Variants in CDH23 observed in about 807,000 individuals in gnomAD.
CDH23 encodes the protein cadherin-23.
A neutral mutation model predicts 317.1 loss-of-function variants in CDH23; 189 were observed. That is an observed-to-expected ratio of 0.60 (90% confidence interval 0.53 to 0.67). The LOEUF (loss-of-function observed/expected upper bound fraction) is 0.67. CDH23 is among the 30% of genes least tolerant of loss of function. The probability of loss-of-function intolerance (pLI) is 0.00; values close to 1 mark genes in which losing one functional copy is unlikely to be tolerated. For synonymous variants in CDH23, 1,839 were observed against 1,876.8 expected (o/e 0.98, Z 0.52); for missense variants, 4,401 against 4,592.4 (o/e 0.96, Z 1.20).
chr10:71,617,767 G>A (rs552276744), intron 11 of CDH23, among the ~76,000 whole-genome samples: 39 of 152,138 alleles, frequency 2.6e-4, no homozygotes, highest in Middle Eastern at 6.8e-3. Flanking sequence ...TTGGGAGGCC[G>A]GCAGATCAAG....
At chr10:71,723,333 G>A (rs924405355) in intron 28 of CDH23, among the ~76,000 whole-genome samples, 10 of 152,144 alleles carry the variant, frequency 6.6e-5, no homozygotes, top group African/African-American at 2.4e-4. Flanking sequence ...CTATGGTTCT[G>A]CCAGTAGCCT....
intron 11 of CDH23, 95 bp from the exon 12 acceptor site, chr10:71,643,766 C>G (rs1017605824): frequency 1.3e-6 from 1 of 745,286 alleles, no homozygotes; most frequent in Non-Finnish European, 2.5e-6. Context: ...CAGGGTCTCA[C>G]TGTCTTTTCT....
At chr10:71,632,761 C>A (rs1376400352) in intron 11 of CDH23, among the ~76,000 whole-genome samples, 1 of 152,204 alleles carries the variant, frequency 6.6e-6, no homozygotes, top group African/African-American at 2.4e-5. Context: ...CCCTCTCTTT[C>A]CCTCTGTTAA....
intron 14 of CDH23, among the ~76,000 whole-genome samples, chr10:71,661,720 T>TGC (rs1282714221): frequency 1.6e-5 from 1 of 61,922 alleles, no homozygotes; most frequent in Non-Finnish European, 3.2e-5. Flanking sequence ...CCTCCCACCC[T>TGC]GCGCGCCCTC....
chr10:71,557,165 G>A (rs959886534), intron 6 of CDH23, among the ~76,000 whole-genome samples: 4 of 152,136 alleles, frequency 2.6e-5, no homozygotes, highest in Admixed American at 2.0e-4. Context: ...TTATGATTAT[G>A]TAAATGTTAT....
At chr10:71,765,162 G>T (rs1485350311) in intron 38 of CDH23, among the ~76,000 whole-genome samples, 1 of 152,230 alleles carries the variant, frequency 6.6e-6, no homozygotes, top group Non-Finnish European at 1.5e-5. Context: ...AGCAGGCCAT[G>T]TGGCAGGTCC....
intron 28 of CDH23, among the ~76,000 whole-genome samples, chr10:71,721,998 A>T (rs1482481181): frequency 6.6e-6 from 1 of 152,222 alleles, no homozygotes; most frequent in Non-Finnish European, 1.5e-5. Flanking sequence ...CCTCCTTTGG[A>T]AACCTTCAGC....
In CDH23 at chr10:71,615,428, C is replaced by G. The variant is rs1861125836; in HGVS notation, c.833-76C>G. On this transcript the variant is annotated intron_variant, in intron 9 of 69. Transcript: ENST00000224721. ...CCAGAGAGGAGCCCTGGCCCCAGCTCCATGCCCCCCTGCCCCCAGCTCCAT... is the reference window on the plus strand; with the variant it reads ...CCAGAGAGGAGCCCTGGCCCCAGCTGCATGCCCCCCTGCCCCCAGCTCCAT... The G allele has an allele frequency of 4.2e-6, 4 of 956,262 alleles. No homozygotes were observed. The East Asian group carries it at 1.0e-4, about 24-fold the overall frequency. 59.2% of individuals were successfully genotyped at this position (956,262 alleles called of 1,614,324 possible). A position where few individuals can be genotyped will look rare whatever the true frequency, so the allele number is the denominator to read the frequency against.
rs1231275744 is a variant in CDH23, at chr10:71,725,378, A to G, written c.3437A>G (p.His1146Arg). The change falls in exon 30 of 70, where the codon CAT (histidine) becomes CGT (arginine). Residue 1146 changes from histidine to arginine, a missense_variant. Physicochemically the swap from His to Arg is conservative, Grantham distance 29. This residue lies in a region of CDH23 where 3,068 missense variants were observed against 3,203.3 expected (regional missense o/e 0.96). Coordinates refer to ENST00000224721, the MANE Select transcript of CDH23 (RefSeq NM_022124.6). ...GGTCTGTCCCTCCACACAGGTAACC[A>G]TGGCAACAACTTCCGGATCCATGTC... ...RVWYRILHGN[H>R]GNNFRIHVSN... is the part of the protein sequence containing the mutation. 6.2e-7 allele frequency: 1 copy of G among 1,613,972 alleles called. No homozygotes were observed.
At chr10:71,810,202 C>T (rs1251882261) in intron 61 of CDH23, 126 bp downstream of exon 61, 2 of 1,160,212 alleles carry the variant, frequency 1.7e-6, no homozygotes, top group South Asian at 2.9e-5. Context: ...CCTACTTAGT[C>T]ATTTCCTATC....
intron 9 of CDH23, among the ~76,000 whole-genome samples, chr10:71,595,170 G>A (rs1159972803): frequency 2.0e-5 from 3 of 152,146 alleles, no homozygotes; most frequent in South Asian, 2.1e-4. Flanking sequence ...AATTACTATC[G>A]ATCACGAGTT....
At chr10:71,626,231 A>C (rs1451994595) in intron 11 of CDH23, among the ~76,000 whole-genome samples, 1 of 152,190 alleles carries the variant, frequency 6.6e-6, no homozygotes. Flanking sequence ...GGGCTTCACC[A>C]GACTCTCAGA....
intron 9 of CDH23, among the ~76,000 whole-genome samples, chr10:71,612,570 CA>C (rs1860967135): frequency 1.3e-5 from 2 of 151,842 alleles, no homozygotes; most frequent in African/African-American, 4.8e-5. Context: ...TTTAGCTAAA[CA>C]TTTGATAGGC....
intron 14 of CDH23, among the ~76,000 whole-genome samples, chr10:71,669,524 T>C (rs908240883): frequency 6.6e-6 from 1 of 151,746 alleles, no homozygotes; most frequent in African/African-American, 2.4e-5. Context: ...CTCTGCTCAC[T>C]GCAACCTCCA....
intron 11 of CDH23, among the ~76,000 whole-genome samples, chr10:71,642,765 A>G (rs1157811095): frequency 6.6e-6 from 1 of 151,904 alleles, no homozygotes; most frequent in African/African-American, 2.4e-5. Context: ...TGCTCAGTCA[A>G]CCTCTCTGAA....
At chr10:71,491,614 G>A (rs1480554171) in intron 3 of CDH23, among the ~76,000 whole-genome samples, 1 of 152,210 alleles carries the variant, frequency 6.6e-6, no homozygotes, top group African/African-American at 2.4e-5. Context: ...ACAACTAGGA[G>A]TATCACACTT....
In CDH23 at chr10:71,751,011, G is replaced by C; in HGVS notation, c.4845+9090G>C. 2.1e-6 allele frequency: 1 copy of C among 468,452 alleles called. No individual in the cohort carries two copies. Among genetic ancestry groups the C allele is most frequent in the Admixed American group, 3.9e-5 (1 of 25,618 alleles). The allele number at this position is 468,452 out of a possible 1,614,324, so 29.0% of individuals were successfully genotyped here. ...TGGCATCTGTAGCTGGTGAATTTCA[G>C]GTCTCTAGGGGAGAATCTCAGCACC... On this transcript the variant is annotated intron_variant, in intron 38 of 69. Transcript: ENST00000224721. This position sits in a 1 kb window ranked among gnomAD's most constrained non-coding sequence, Gnocchi z 4.9.
chr10:71,689,599 T>C (rs1432085352), intron 19 of CDH23, among the ~76,000 whole-genome samples: 2 of 152,212 alleles, frequency 1.3e-5, no homozygotes, highest in Admixed American at 1.3e-4. Flanking sequence ...GACTGCTGAT[T>C]CATCCGCTGG....
At chr10:71,753,854 T>C (rs938302277) in intron 38 of CDH23, 3 of 456,366 alleles carry the variant, frequency 6.6e-6, no homozygotes, top group African/African-American at 6.0e-5. Context: ...ACCATGGCTA[T>C]TGCTTACAGC....
Sources: gnomAD v4.1 joint callset for allele counts (sites outside exome capture counted in the v4.1 genomes callset) on GRCh38, gnomAD v4.1.1 for gene constraint, gnomAD v4.1.1 regional missense constraint, Gnocchi (gnomAD v3.1) non-coding constraint, MANE v1.5 for transcripts, NCBI Gene and HGNC (gene_info 2026-07-23, HGNC 2026-07-21) for gene names.